The following TMX3 variants were observed in gnomAD, a reference collection of about 807,000 sequenced individuals.
The protein encoded by TMX3 is thioredoxin related transmembrane protein 3, also known as protein disulfide-isomerase TMX3.
TMX3 carries 40 observed loss-of-function variants against 64.4 expected under a neutral mutation model. That is an observed-to-expected ratio of 0.62 (90% CI 0.48 to 0.81). The LOEUF (loss-of-function observed/expected upper bound fraction) is 0.81. TMX3 is among the 30% of genes least tolerant of loss of function. The pLI, the probability that TMX3 is intolerant of heterozygous loss-of-function variation, is 0.00. For synonymous variants in TMX3, 189 were observed against 175.7 expected (o/e 1.08, Z -0.60); for missense variants, 497 against 534.5 (o/e 0.93, Z 0.69).
At chr18:68,699,790 A>C (rs1026880915) in intron 6 of TMX3, among the ~76,000 whole-genome samples, 1 of 152,156 alleles carries the variant, frequency 6.6e-6, no homozygotes, top group African/African-American at 2.4e-5. Context: ...TCAAACCAAC[A>C]AAAAGTGCTT....
At chr18:68,704,900 T>A (rs2030512151) in intron 4 of TMX3, among the ~76,000 whole-genome samples, 2 of 152,176 alleles carry the variant, frequency 1.3e-5, no homozygotes, top group African/African-American at 4.8e-5. Flanking sequence ...AATTACTCAG[T>A]CATTTCACTT....
In TMX3 at chr18:68,676,783, T is replaced by C. The variant is rs1402017000; in HGVS notation, c.*150A>G. 2 of 946,432 alleles carry C rather than the reference T, an allele frequency of 2.1e-6. No individual in the cohort carries two copies. Among genetic ancestry groups the C allele is most frequent in the Non-Finnish European group, 3.1e-6 (2 of 653,552 alleles). The allele number at this position is 946,432 out of a possible 1,614,324, so 58.6% of individuals were successfully genotyped here. ...TTTGCTCCAAACACTTCCCCATGTA[T>C]GGAGGGACTACTTTAATCCATGCAG... On this transcript the variant is annotated 3_prime_UTR_variant, in exon 16 of 16. Transcript: ENST00000299608.
At chr18:68,714,605 T>C (rs1201434443) in intron 1 of TMX3, among the ~76,000 whole-genome samples, 123 of 152,330 alleles carry the variant, frequency 8.1e-4, no homozygotes, top group African/African-American at 2.8e-3. Flanking sequence ...GATTTGGTCG[T>C]TAAGCTGGGA....
intron 9 of TMX3, among the ~76,000 whole-genome samples, chr18:68,689,500 T>C (rs1296847283): frequency 7.2e-6 from 1 of 138,436 alleles, no homozygotes; most frequent in African/African-American, 3.4e-5. Context: ...TATCATTGAT[T>C]ATTTTATCGT....
At chr18:68,705,321 A>C (rs1040488713) in intron 4 of TMX3, among the ~76,000 whole-genome samples, 6 of 151,978 alleles carry the variant, frequency 3.9e-5, no homozygotes, top group Non-Finnish European at 7.4e-5. Context: ...TCTGCACCAA[A>C]AACAAACAAA....
At chr18:68,689,348 CTGTTTATATTTAAATA>C (rs1401386630) in intron 9 of TMX3, among the ~76,000 whole-genome samples, 1 of 150,824 alleles carries the variant, frequency 6.6e-6, no homozygotes. Context: ...AACCTGATAT[CTGTTTATATTTAAATA>C]TGTTTATATT....
intron 10 of TMX3, chr18:68,687,340 GTTTTA>G (rs1192960081): frequency 3.0e-6 from 3 of 985,338 alleles, no homozygotes; most frequent in Middle Eastern, 5.2e-4. Context: ...GTTGTGCTAA[GTTTTA>G]TTTTAACTCC....
rs935970404 is a variant in TMX3 at position 68,674,072 on chromosome 18, A to G, written c.*2861T>C. 6 of 152,176 alleles carry G rather than the reference A, an allele frequency of 3.9e-5. No homozygotes were observed. Among genetic ancestry groups the G allele is most frequent in the African/African-American group, 1.4e-4 (6 of 41,452 alleles). The allele number at this position is 152,176 out of a possible 1,614,324, so 9.4% of individuals were successfully genotyped here. On this transcript the variant is annotated 3_prime_UTR_variant, in exon 16 of 16. Transcript: ENST00000299608. ...GTCCCAAAGCAAAACACACACAAAA[A>G]GTCACTAACAATATCCACTAAACAA...
rs1367461817 is a variant in TMX3, at chr18:68,683,024, G to A, written c.849-43C>T. On this transcript the variant is annotated intron_variant, in intron 12 of 15. Transcript: ENST00000299608. ...AAAATAAATAAATAAAAGGAGAGGG[G>A]GTGGGGGGAGAGAGAGAGAGAAAGC... 4 of 1,558,808 alleles carry A rather than the reference G, an allele frequency of 2.6e-6. No homozygotes were observed. The South Asian group carries it at 3.4e-5, about 13-fold the overall frequency.
At chr18:68,688,384 A>G (rs1185326959) in intron 9 of TMX3, 1 of 152,200 alleles carries the variant, frequency 6.6e-6, no homozygotes, top group African/African-American at 2.4e-5. Context: ...CTTTTTTCCA[A>G]TATAAAATAA....
chr18:68,713,827 T>C lies in TMX3; in HGVS notation c.101+19A>G. The C allele has an allele frequency of 8.2e-7, 1 of 1,219,846 alleles. No homozygotes were observed. Among genetic ancestry groups the C allele is most frequent in the Non-Finnish European group, 1.1e-6 (1 of 893,052 alleles). 75.6% of individuals were successfully genotyped at this position (1,219,846 alleles called of 1,614,324 possible). A position where few individuals can be genotyped will look rare whatever the true frequency, so the allele number is the denominator to read the frequency against. ...TGGACAGTTAAAATAATATTTTAAA[T>C]ATATATATGTATACTCACGATTCAT... On this transcript the variant is annotated intron_variant, in intron 2 of 15. Coordinates refer to ENST00000299608, the MANE Select transcript of TMX3 (RefSeq NM_019022.5).
chr18:68,693,205 C>T (rs1172863798), intron 8 of TMX3, among the ~76,000 whole-genome samples: 1 of 152,196 alleles, frequency 6.6e-6, no homozygotes, highest in African/African-American at 2.4e-5. Context: ...GCAGTGGCAG[C>T]CCGTCTGGAG....
chr18:68,709,651 C>T (rs2031058314), intron 4 of TMX3, among the ~76,000 whole-genome samples: 3 of 152,080 alleles, frequency 2.0e-5, no homozygotes, highest in African/African-American at 4.8e-5. Flanking sequence ...TAACTCAATT[C>T]GTCCTTTAAG....
At chr18:68,688,489 C>T (rs192619336) in intron 9 of TMX3, 1 of 152,044 alleles carries the variant, frequency 6.6e-6, no homozygotes, top group Non-Finnish European at 1.5e-5. Flanking sequence ...AAAATTATTA[C>T]AATTGCATAA....
chr18:68,705,592 T>C (rs2030585503), intron 4 of TMX3, among the ~76,000 whole-genome samples: 1 of 152,178 alleles, frequency 6.6e-6, no homozygotes, highest in Non-Finnish European at 1.5e-5. Context: ...AGTGGTTCCA[T>C]AATAAAGATC....
At chr18:68,707,913 A>G (rs983050087) in intron 4 of TMX3, among the ~76,000 whole-genome samples, 4 of 150,302 alleles carry the variant, frequency 2.7e-5, no homozygotes, top group African/African-American at 9.9e-5. Context: ...ATCAACATAT[A>G]TATGTGTGTA....
chr18:68,680,819 C>G (rs561773059), intron 14 of TMX3, among the ~76,000 whole-genome samples, 162 bp downstream of exon 14: 1 of 152,146 alleles, frequency 6.6e-6, no homozygotes, highest in Non-Finnish European at 1.5e-5. Context: ...GAGAATGTAC[C>G]TCTACTCTGC....
At chr18:68,710,207 A>C (rs190520931) in intron 3 of TMX3, 63 bp from the exon 4 acceptor site, 571 of 1,348,516 alleles carry the variant, frequency 4.2e-4, no homozygotes, top group Non-Finnish European at 4.8e-4. Flanking sequence ...GTGCTACAGT[A>C]AATATGAATC....
chr18:68,699,842 G>A (rs1024745007), intron 6 of TMX3, among the ~76,000 whole-genome samples: 2 of 152,128 alleles, frequency 1.3e-5, no homozygotes, highest in East Asian at 1.9e-4. Context: ...CTTAGGGATC[G>A]GTAACTTGAA....
Sources: gnomAD v4.1 joint callset for allele counts (sites outside exome capture counted in the v4.1 genomes callset) on GRCh38, gnomAD v4.1.1 for gene constraint, MANE v1.5 for transcripts, NCBI Gene and HGNC (gene_info 2026-07-23, HGNC 2026-07-21) for gene names.